Variants in PHACTR1 observed in about 807,000 individuals in gnomAD.
The protein encoded by PHACTR1 is RPEL repeat containing 1.
PHACTR1 carries 16 observed loss-of-function variants against 69.2 expected under a neutral mutation model. The ratio of observed to expected loss-of-function variants is 0.23; its 90% CI spans 0.16 to 0.35. The LOEUF is 0.35. Ranked by LOEUF, PHACTR1 falls within the 10% of genes least tolerant of loss-of-function variation. The pLI is 1.00. For synonymous variants in PHACTR1, 312 were observed against 284.5 expected (o/e 1.10, Z -0.97); for missense variants, 510 against 734.7 (o/e 0.69, Z 3.54).
intron 4 of PHACTR1, among the ~76,000 whole-genome samples, chr6:13,016,450 C>G (rs1800189496): frequency 1.3e-5 from 2 of 152,194 alleles, no homozygotes. Context: ...AGGTATTGTT[C>G]ACTGAGTTTC....
chr6:12,803,777 G>A (rs910210677), intron 4 of PHACTR1, among the ~76,000 whole-genome samples: 3 of 152,110 alleles, frequency 2.0e-5, no homozygotes, highest in Non-Finnish European at 4.4e-5. Flanking sequence ...CAGCATCTCT[G>A]GCCTCTACAG....
intron 4 of PHACTR1, among the ~76,000 whole-genome samples, chr6:12,847,313 G>A (rs1027475081): frequency 3.9e-5 from 6 of 151,998 alleles, no homozygotes; most frequent in South Asian, 2.1e-4. Context: ...AGATAGATAC[G>A]GATAAATAAT....
chr6:12,905,766 TA>T (rs1404296934), intron 4 of PHACTR1, among the ~76,000 whole-genome samples: 1 of 152,236 alleles, frequency 6.6e-6, no homozygotes, highest in Non-Finnish European at 1.5e-5. Flanking sequence ...GCTTTATATT[TA>T]ACTTATCAGT....
chr6:12,999,456 C>T (rs1402521212), intron 4 of PHACTR1, among the ~76,000 whole-genome samples: 9 of 151,998 alleles, frequency 5.9e-5, no homozygotes, highest in African/African-American at 2.2e-4. Context: ...AAAAATTAGC[C>T]GGGCGTGGTG....
intron 4 of PHACTR1, among the ~76,000 whole-genome samples, chr6:12,911,206 G>C (rs906934523): frequency 3.3e-5 from 5 of 152,130 alleles, no homozygotes; most frequent in African/African-American, 1.2e-4. Context: ...ATTCTGCCTA[G>C]CCATAGATCT....
At position 13,245,890 on chromosome 6, in the gene PHACTR1, T is replaced by C. The variant is rs1375232642; in HGVS notation, c.1391+15697T>C. Among the ~76,000 whole-genome samples, 2 of 152,182 alleles carry C rather than the reference T, an allele frequency of 1.3e-5. No individual in the cohort carries two copies. Among genetic ancestry groups the C allele is most frequent in the Non-Finnish European group, 2.9e-5 (2 of 68,010 alleles). ...ATAGCTAGCCAGTTATCCCAGTTCTTTGGTGAGTTTCTTCACCCACTTCAC... is the reference window on the plus strand; with the variant it reads ...ATAGCTAGCCAGTTATCCCAGTTCTCTGGTGAGTTTCTTCACCCACTTCAC... On this transcript the variant is annotated intron_variant, in intron 10 of 14. Coordinates refer to ENST00000332995, the MANE Select transcript of PHACTR1 (RefSeq NM_030948.6). This position sits in a 1 kb window ranked among gnomAD's most constrained non-coding sequence, Gnocchi z 4.1.
chr6:12,977,296 G>T (rs966178756), intron 4 of PHACTR1, among the ~76,000 whole-genome samples: 1 of 152,030 alleles, frequency 6.6e-6, no homozygotes, highest in Admixed American at 6.6e-5. Flanking sequence ...GTGTTGGAAT[G>T]TACCTCCCTG....
intron 4 of PHACTR1, among the ~76,000 whole-genome samples, chr6:12,750,538 GGGAAGGAAGGAA>G (rs1018098200): frequency 1.4e-5 from 2 of 143,930 alleles, no homozygotes; most frequent in African/African-American, 5.1e-5. Flanking sequence ...GAAAGAAGGA[GGGAAGGAAGGAA>G]GGGGGGAAGG....
In PHACTR1 at chr6:13,038,521, T is replaced by C. The variant is rs939567912; in HGVS notation, c.251-14844T>C. ...AAAAAAAAAAAAGGAAGGACTTGGC[T>C]CCTTTACAAACTAAAAAGCAGCTTA... On this transcript the variant is annotated intron_variant, in intron 4 of 14. Coordinates refer to ENST00000332995, the MANE Select transcript of PHACTR1 (RefSeq NM_030948.6). 1.1e-3 allele frequency among the ~76,000 whole-genome samples: 160 copies of C among 149,526 alleles called. 1 individual carries two copies. Among genetic ancestry groups the C allele is most frequent in the Admixed American group, 2.0e-3 (30 of 15,004 alleles).
intron 4 of PHACTR1, among the ~76,000 whole-genome samples, chr6:12,919,437 G>A (rs1344288813): frequency 3.9e-5 from 6 of 152,108 alleles, no homozygotes; most frequent in South Asian, 2.1e-4. Flanking sequence ...CACCGTGCCC[G>A]GCCTATAAAG....
chr6:13,274,412 A>G (rs2127456475), intron 11 of PHACTR1: 1 of 152,242 alleles, frequency 6.6e-6, no homozygotes, highest in African/African-American at 2.4e-5. Flanking sequence ...GGCTTGTAGG[A>G]TGTCTTCCTT....
intron 8 of PHACTR1, among the ~76,000 whole-genome samples, chr6:13,225,989 C>T (rs1363515496): frequency 3.9e-5 from 6 of 152,196 alleles, no homozygotes; most frequent in Non-Finnish European, 8.8e-5. Context: ...CCTTCGCCAC[C>T]CTGGAGGCCA....
intron 5 of PHACTR1, among the ~76,000 whole-genome samples, chr6:13,086,529 T>A (rs964806506): frequency 6.6e-6 from 1 of 151,868 alleles, no homozygotes; most frequent in South Asian, 2.1e-4. Context: ...TAACCAGTGC[T>A]TTTTTTTCTG....
chr6:12,888,135 G>A (rs914210508), intron 4 of PHACTR1, among the ~76,000 whole-genome samples: 3 of 151,054 alleles, frequency 2.0e-5, no homozygotes, highest in Admixed American at 6.6e-5. Context: ...TAAGTCATGA[G>A]GGCTCTGCTT....
chr6:13,188,150 C>T (rs889273905), intron 7 of PHACTR1, among the ~76,000 whole-genome samples: 1 of 152,154 alleles, frequency 6.6e-6, no homozygotes, highest in Non-Finnish European at 1.5e-5. Context: ...ACACAAAAAG[C>T]TAATATCCTT....
intron 4 of PHACTR1, among the ~76,000 whole-genome samples, chr6:12,875,865 G>C (rs146237905): frequency 6.6e-6 from 1 of 152,064 alleles, no homozygotes; most frequent in Non-Finnish European, 1.5e-5. Flanking sequence ...AATCTCCACC[G>C]TGCTCTTTAC....
At chr6:13,031,377 G>GTGAA (rs1802429930) in intron 4 of PHACTR1, among the ~76,000 whole-genome samples, 1 of 152,190 alleles carries the variant, frequency 6.6e-6, no homozygotes, top group African/African-American at 2.4e-5. Context: ...TTTAGACTTT[G>GTGAA]TGAATTTTGC....
At chr6:13,023,663 T>C (rs1801296795) in intron 4 of PHACTR1, among the ~76,000 whole-genome samples, 1 of 152,232 alleles carries the variant, frequency 6.6e-6, no homozygotes, top group Admixed American at 6.5e-5. Flanking sequence ...CCATCTTCTT[T>C]TGATGCAGTC....
chr6:12,897,196 A>G (rs1784750369), intron 4 of PHACTR1, among the ~76,000 whole-genome samples: 1 of 152,224 alleles, frequency 6.6e-6, no homozygotes, highest in Non-Finnish European at 1.5e-5. Context: ...TGCATAGTGG[A>G]CATGGAAAAT....
Sources: gnomAD v4.1 joint callset for allele counts (sites outside exome capture counted in the v4.1 genomes callset) on GRCh38, gnomAD v4.1.1 for gene constraint, Gnocchi (gnomAD v3.1) non-coding constraint, MANE v1.5 for transcripts, NCBI Gene and HGNC (gene_info 2026-07-23, HGNC 2026-07-21) for gene names.